The following BPI variants were observed in gnomAD, a reference collection of about 807,000 sequenced individuals.
The protein encoded by BPI is bactericidal permeability increasing protein.
Under a neutral mutation model 57.6 loss-of-function variants are expected in BPI, and 48 were observed. The ratio of observed to expected loss-of-function variants is 0.83; its 90% CI spans 0.66 to 1.06. The LOEUF (loss-of-function observed/expected upper bound fraction) is 1.06, where lower values mean the gene tolerates loss of function less well. Ranked by LOEUF, BPI falls within the 50% of genes least tolerant of loss-of-function variation. The pLI, the probability that BPI is intolerant of heterozygous loss-of-function variation, is 0.00. For synonymous variants in BPI, 237 were observed against 238.2 expected (o/e 0.99, Z 0.05); for missense variants, 651 against 609.7 (o/e 1.07, Z -0.71).
chr20:38,309,472 A>C (rs2076612040), intron 3 of BPI, among the ~76,000 whole-genome samples: 1 of 152,170 alleles, frequency 6.6e-6, no homozygotes, highest in Non-Finnish European at 1.5e-5. Context: ...GCTTGGCTCC[A>C]CCTGTGTCTC....
rs187944853 is a variant in BPI at position 38,323,814 on chromosome 20, G to A, written c.757-56G>A. 5 of 1,566,254 alleles carry A rather than the reference G, an allele frequency of 3.2e-6. No homozygotes were observed. The Admixed American group carries it at 9.1e-5, about 29-fold the overall frequency. The stretch of plus-strand genomic sequence containing the variant: ...AGTCCATTTTTTCCTGGATGGAGAT[G>A]TTGACTTATAATTCCTGAAGAATAT... On this transcript the variant is annotated intron_variant, in intron 7 of 14. Transcript: ENST00000642449.
intron 6 of BPI, 59 bp downstream of exon 6, chr20:38,318,535 G>C: frequency 2.2e-5 from 34 of 1,572,136 alleles, no homozygotes; most frequent in Middle Eastern, 1.7e-4. Flanking sequence ...GGGTGAGGAC[G>C]TCAGGGTGGA....
intron 10 of BPI, among the ~76,000 whole-genome samples, chr20:38,327,148 G>C (rs1185291420): frequency 6.6e-6 from 1 of 152,158 alleles, no homozygotes; most frequent in African/African-American, 2.4e-5. Context: ...GCCTTAGGCA[G>C]GTCTACTGGG....
chr20:38,324,660 G>T, intron 8 of BPI, 114 bp from the exon 9 acceptor site: 2 of 850,976 alleles, frequency 2.4e-6, no homozygotes, highest in Admixed American at 1.8e-5. Context: ...TGTCACATAG[G>T]GGCTGGCCAC....
At chr20:38,309,898 C>T (rs1163611513) in intron 3 of BPI, among the ~76,000 whole-genome samples, 4 of 152,060 alleles carry the variant, frequency 2.6e-5, no homozygotes, top group East Asian at 1.9e-4. Context: ...TGAGTCTGCC[C>T]GCCCTTACAA....
At chr20:38,333,015 A>G (rs1196253642) in intron 12 of BPI, among the ~76,000 whole-genome samples, 1 of 152,076 alleles carries the variant, frequency 6.6e-6, no homozygotes, top group Non-Finnish European at 1.5e-5. Flanking sequence ...GATTCCCGAG[A>G]TGCCCCCAAG....
At chr20:38,321,248 G>A (rs1017466084) in intron 7 of BPI, among the ~76,000 whole-genome samples, 1 of 150,414 alleles carries the variant, frequency 6.6e-6, no homozygotes, top group Non-Finnish European at 1.5e-5. Flanking sequence ...TGGGTAGATG[G>A]GTGGGGGTAG....
rs141246682 is a variant in BPI at position 38,322,194 on chromosome 20, T to C, written c.757-1676T>C. Among the ~76,000 whole-genome samples, 235 of 152,288 alleles carry C rather than the reference T, an allele frequency of 1.5e-3. 1 individual carries two copies. Among genetic ancestry groups the C allele is most frequent in the African/African-American group, 5.4e-3 (225 of 41,548 alleles). On this transcript the variant is annotated intron_variant, in intron 7 of 14. Coordinates refer to ENST00000642449, the MANE Select transcript of BPI (RefSeq NM_001725.3). ...GACACTTGGGCTTTCCATTTTTTTT[T>C]CCACAAACGTAACCAAAGCTGCAGT...
At chr20:38,308,790 T>TA (rs1320919313) in intron 2 of BPI, 140 bp from the exon 3 acceptor site, 1 of 1,183,556 alleles carries the variant, frequency 8.4e-7, no homozygotes, top group Non-Finnish European at 1.2e-6. Flanking sequence ...CCTGCTTTCT[T>TA]AGCTTTGGGC....
intron 9 of BPI, among the ~76,000 whole-genome samples, chr20:38,325,982 C>T (rs532440696): frequency 1.3e-5 from 2 of 152,168 alleles, no homozygotes; most frequent in South Asian, 4.2e-4. Context: ...AAGTATCTAA[C>T]AATGGGGAAC....
Position 38,310,635 on chromosome 20 carries a change from C to G in BPI, c.519C>G (p.Ile173Met). ...ACATCAACAGTGTCCACGTGCACAT[C>G]TCAAAGAGCAAAGTGGGGTATGGAC... ...SSHINSVHVHISKSKVGWLIQ... is the reference protein window; with the variant it reads ...SSHINSVHVHMSKSKVGWLIQ... The change falls in exon 4 of 15, where the codon ATC (isoleucine) becomes ATG (methionine). Residue 173 changes from isoleucine (I) to methionine (M), a missense_variant. Physicochemically the swap from Ile to Met is conservative, Grantham distance 10. Transcript: ENST00000642449. The G allele has an allele frequency of 6.2e-7, 1 of 1,613,274 alleles. No individual in the cohort carries two copies. Among genetic ancestry groups the G allele is most frequent in the East Asian group, 2.2e-5 (1 of 44,850 alleles).
rs185148895 is a variant in BPI, at chr20:38,310,771, C to T, written c.536+119C>T. The T allele has an allele frequency of 2.5e-3, 3,444 of 1,363,318 alleles. 13 individuals carry two copies. The Middle Eastern group carries it at 0.03, about 12-fold the overall frequency. 84.5% of individuals were successfully genotyped at this position (1,363,318 alleles called of 1,614,324 possible). On this transcript the variant is annotated intron_variant, in intron 4 of 14. Transcript: ENST00000642449. ...CTGCATGCCAGGCCTTGCTCAGAGG[C>T]CTCAGGCATGGTATGGGGGCCAGGG...
At chr20:38,318,554 G>T in intron 6 of BPI, 78 bp downstream of exon 6, 1 of 1,516,568 alleles carries the variant, frequency 6.6e-7, no homozygotes, top group Non-Finnish European at 9.2e-7. Context: ...GATGTGATGG[G>T]GCCGGCAAGT....
At chr20:38,308,780 C>A (rs1261724137) in intron 2 of BPI, 150 bp from the exon 3 acceptor site, 6 of 1,086,714 alleles carry the variant, frequency 5.5e-6, no homozygotes, top group Non-Finnish European at 7.9e-6. Flanking sequence ...ATCTGCCAAG[C>A]CTGCTTTCTT....
intron 14 of BPI, among the ~76,000 whole-genome samples, chr20:38,336,068 G>A (rs2076766157): frequency 6.6e-6 from 1 of 152,204 alleles, no homozygotes; most frequent in African/African-American, 2.4e-5. Context: ...TCGACGTCTG[G>A]CAGATTTAGA....
intron 11 of BPI, among the ~76,000 whole-genome samples, chr20:38,327,912 C>G (rs369800395): frequency 1.3e-5 from 2 of 152,174 alleles, no homozygotes; most frequent in African/African-American, 4.8e-5. Context: ...ATAAATGTCC[C>G]GGTTCTAGCA....
intron 11 of BPI, among the ~76,000 whole-genome samples, chr20:38,328,388 A>G (rs551993996): frequency 1.2e-4 from 19 of 152,164 alleles, no homozygotes; most frequent in African/African-American, 4.3e-4. Context: ...CCCTGTCTCT[A>G]TTAAAAATAA....
intron 5 of BPI, among the ~76,000 whole-genome samples, chr20:38,312,578 A>C (rs2076626970): frequency 1.3e-5 from 2 of 152,228 alleles, no homozygotes; most frequent in South Asian, 2.1e-4. Context: ...CTCTCTCCAG[A>C]GGGCAATGGA....
intron 5 of BPI, 44 bp from the exon 6 acceptor site, chr20:38,318,369 C>G (rs1398261301): frequency 6.4e-7 from 1 of 1,569,916 alleles, no homozygotes; most frequent in East Asian, 2.2e-5. Flanking sequence ...GGACATTTTT[C>G]ACTATGGGAA....
Sources: gnomAD v4.1 joint callset for allele counts (sites outside exome capture counted in the v4.1 genomes callset) on GRCh38, gnomAD v4.1.1 for gene constraint, MANE v1.5 for transcripts, NCBI Gene and HGNC (gene_info 2026-07-23, HGNC 2026-07-21) for gene names.